IRAG2: variants seen among roughly 807,000 people sequenced by gnomAD.
IRAG2 encodes the protein inositol 1,4,5-triphosphate receptor associated 2.
A neutral mutation model predicts 69.9 loss-of-function variants in IRAG2; 45 were observed. The observed-to-expected ratio is 0.64, with a 90% CI of 0.51 to 0.83. The LOEUF (loss-of-function observed/expected upper bound fraction) is 0.83. Among genes scored for constraint, IRAG2 ranks in the 40% least tolerant of loss-of-function variants. The probability of loss-of-function intolerance (pLI) is 0.00; values close to 1 mark genes in which losing one functional copy is unlikely to be tolerated. For missense variants in IRAG2, 520 were observed against 587.0 expected, an observed-to-expected ratio of 0.89 and a Z score of 1.18; for synonymous variants, 193 against 202.4, an observed-to-expected ratio of 0.95 and a Z score of 0.40.
rs1176200440 is a variant in IRAG2 at position 25,072,679 on chromosome 12, G to A, written c.24+3248G>A. Among the ~76,000 whole-genome samples the A allele has an allele frequency of 5.3e-5, 8 of 152,276 alleles. No homozygotes were observed. The East Asian group carries it at 1.5e-3, about 29-fold the overall frequency. On this transcript the variant is annotated intron_variant, in intron 6 of 21. Coordinates refer to ENST00000556887, the MANE Select transcript of IRAG2 (RefSeq NM_001366544.2). The stretch of plus-strand genomic sequence containing the variant: ...ACGATGGGTGTTTTCTTAACTCCTT[G>A]TCTCTAAATGATGGATTCTGTCAAT...
exon 1 of IRAG2, chr12:25,004,342 A>G (rs1944414803): frequency 8.1e-7 from 1 of 1,232,044 alleles, no homozygotes; most frequent in Non-Finnish European, 1.0e-6. Context: ...AAAGTCAACA[A>G]TGGCCTCTCC....
chr12:24,999,063 A>T, the IRAG2 span, among the ~76,000 whole-genome samples: 1 of 152,222 alleles, frequency 6.6e-6, no homozygotes, highest in Non-Finnish European at 1.5e-5. Context: ...TTTCTTAGTG[A>T]TTGAATAATA....
intron 14 of IRAG2, among the ~76,000 whole-genome samples, chr12:25,092,513 C>T (rs1037646061): frequency 1.3e-4 from 18 of 140,694 alleles, no homozygotes; most frequent in African/African-American, 4.0e-4. Flanking sequence ...AGCAGTGAGG[C>T]GAAATCATGC....
intron 13 of IRAG2, chr12:25,034,058 A>G: frequency 2.5e-6 from 1 of 396,056 alleles, no homozygotes. Flanking sequence ...ACACTGAGAG[A>G]ATGTGCTGAT....
At chr12:25,070,026 G>A (rs1254727804) in intron 6 of IRAG2, among the ~76,000 whole-genome samples, 12 of 152,120 alleles carry the variant, frequency 7.9e-5, no homozygotes, top group Non-Finnish European at 1.2e-4. Flanking sequence ...CCTGAGCCTC[G>A]TGATCTTCTC....
chr12:25,103,593 A>G (rs557292770), intron 17 of IRAG2: 3 of 454,032 alleles, frequency 6.6e-6, no homozygotes, highest in African/African-American at 2.0e-5. Context: ...ACAAACCTAA[A>G]CAAATTGTAT....
At chr12:25,029,837 T>C (rs1417579815) in intron 9 of IRAG2, among the ~76,000 whole-genome samples, 1 of 152,136 alleles carries the variant, frequency 6.6e-6, no homozygotes, top group Non-Finnish European at 1.5e-5. Context: ...TGTGCCGCCA[T>C]GCCAGGCTAA....
At chr12:25,018,196 T>C (rs1036129983) in intron 6 of IRAG2, among the ~76,000 whole-genome samples, 1 of 142,310 alleles carries the variant, frequency 7.0e-6, no homozygotes, top group Non-Finnish European at 1.5e-5. Flanking sequence ...CTTTCTTCTT[T>C]TTTTTTTTTT....
chr12:25,078,094 G>C (rs937959952), intron 6 of IRAG2, among the ~76,000 whole-genome samples: 1 of 152,138 alleles, frequency 6.6e-6, no homozygotes, highest in Non-Finnish European at 1.5e-5. Context: ...ATTCTGACTG[G>C]TCTTGGGAAA....
upstream of IRAG2, among the ~76,000 whole-genome samples, chr12:25,047,896 A>T (rs565789365): frequency 3.9e-5 from 6 of 152,166 alleles, no homozygotes; most frequent in African/African-American, 1.4e-4. Flanking sequence ...TGTCTTTGCT[A>T]TTATGAATAG....
intron 3 of IRAG2, among the ~76,000 whole-genome samples, chr12:25,013,866 C>CTTTTTTTTTTTTTTTTTTTTT (rs71063386): frequency 1.3e-5 from 1 of 79,532 alleles, no homozygotes; most frequent in Non-Finnish European, 2.2e-5. Flanking sequence ...TTTTCTTTTT[C>CTTTTTTTTTTTTTTTTTTTTT]TTTTTTTTTT....
In IRAG2 at chr12:25,069,267, G is replaced by A. The variant is rs12301582; in HGVS notation, c.-58-83G>A. 4.4e-3 allele frequency: 2,835 copies of A among 639,982 alleles called. 68 individuals carry two copies. In the African/African-American group the frequency reaches 0.046, roughly 10 times the overall value. The allele number at this position is 639,982 out of a possible 1,614,324, so 39.6% of individuals were successfully genotyped here. ...TAAAATTAGGACTGGGCGTAGGGGA[G>A]TGAGAACCATGTTATAGTTTAGTAT... On this transcript the variant is annotated intron_variant, in intron 5 of 21. Coordinates refer to ENST00000556887, the MANE Select transcript of IRAG2 (RefSeq NM_001366544.2).
the IRAG2 span, among the ~76,000 whole-genome samples, chr12:24,999,177 A>C: frequency 6.6e-6 from 1 of 152,246 alleles, no homozygotes; most frequent in Non-Finnish European, 1.5e-5. Context: ...TAACTCATTG[A>C]AGTCAGAACA....
intron 10 of IRAG2, chr12:25,032,036 C>T (rs192006382): frequency 7.6e-6 from 3 of 396,544 alleles, no homozygotes; most frequent in African/African-American, 4.1e-5. Flanking sequence ...AATCGCATGA[C>T]GATTGGGCAT....
At chr12:25,060,668 CTTTTTTTTTT>C (rs753591747) in intron 1 of IRAG2, among the ~76,000 whole-genome samples, 2 of 99,282 alleles carry the variant, frequency 2.0e-5, no homozygotes, top group Admixed American at 1.2e-4. Context: ...AATGTATTTT[CTTTTTTTTTT>C]TTTTTTTTTT....
At chr12:25,015,362 C>A (rs1040993127) in exon 5 of IRAG2, 2 of 1,231,682 alleles carry the variant, frequency 1.6e-6, no homozygotes, top group African/African-American at 3.1e-5. Context: ...AAGATGAGCA[C>A]AGATATAACA....
At chr12:25,058,059 G>A (rs142976663) in intron 1 of IRAG2, among the ~76,000 whole-genome samples, 160 of 152,326 alleles carry the variant, frequency 1.1e-3, no homozygotes, top group African/African-American at 3.7e-3. Context: ...ATGAACGTCT[G>A]TGTACAAGTC....
intron 9 of IRAG2, among the ~76,000 whole-genome samples, chr12:25,082,613 AAAAC>A (rs1947299109): frequency 6.8e-6 from 1 of 147,246 alleles, no homozygotes; most frequent in Admixed American, 6.7e-5. Flanking sequence ...AAAAAAACAA[AAAAC>A]AAAAACAAAC....
At chr12:25,041,614 G>A (rs936933533) in intron 16 of IRAG2, among the ~76,000 whole-genome samples, 6 of 151,188 alleles carry the variant, frequency 4.0e-5, no homozygotes, top group African/African-American at 7.3e-5. Flanking sequence ...TGATTCTCTT[G>A]CCTCAGACTC....
Sources: allele counts gnomAD v4.1 joint callset (sites outside exome capture counted in the v4.1 genomes callset), GRCh38; gene constraint gnomAD v4.1.1; transcripts MANE v1.5; gene names NCBI Gene and HGNC (gene_info 2026-07-23, HGNC 2026-07-21).